The following AKAP10 variants were observed in gnomAD, a reference collection of about 807,000 sequenced individuals.
The protein encoded by AKAP10 is A-kinase anchoring protein 10.
A neutral mutation model predicts 80.8 loss-of-function variants in AKAP10; 24 were observed. The observed-to-expected ratio is 0.30, with a 90% CI of 0.22 to 0.42. The LOEUF (loss-of-function observed/expected upper bound fraction) is 0.42, where lower values mean the gene tolerates loss of function less well. AKAP10 is among the 10% of genes least tolerant of loss of function. The pLI is 1.00. For missense variants in AKAP10, 661 were observed against 794.9 expected, an observed-to-expected ratio of 0.83 and a Z score of 2.03; for synonymous variants, 291 against 277.7, an observed-to-expected ratio of 1.05 and a Z score of -0.48.
At chr17:19,955,233 T>G (rs964634363) in intron 4 of AKAP10, among the ~76,000 whole-genome samples, 1 of 147,112 alleles carries the variant, frequency 6.8e-6, no homozygotes, top group African/African-American at 2.5e-5. Flanking sequence ...AAAAAAAAAA[T>G]AAGAAAAAAA....
intron 4 of AKAP10, among the ~76,000 whole-genome samples, chr17:19,948,157 G>A (rs1190609380): frequency 1.3e-5 from 2 of 152,156 alleles, no homozygotes; most frequent in Non-Finnish European, 2.9e-5. Flanking sequence ...GATGAAATAA[G>A]CACACTCTTC....
chr17:19,913,716 T>A (rs2042715901), intron 12 of AKAP10, among the ~76,000 whole-genome samples: 1 of 152,214 alleles, frequency 6.6e-6, no homozygotes, highest in Non-Finnish European at 1.5e-5. Context: ...TCTGTGAGTA[T>A]CCTCGGAAGT....
At chr17:19,913,517 T>A (rs1363545508) in intron 12 of AKAP10, among the ~76,000 whole-genome samples, 3 of 152,074 alleles carry the variant, frequency 2.0e-5, no homozygotes, top group Admixed American at 6.6e-5. Flanking sequence ...TTAACTCTTG[T>A]CCTCAGTGAT....
intron 10 of AKAP10, among the ~76,000 whole-genome samples, chr17:19,927,784 C>T (rs920895350): frequency 3.3e-5 from 5 of 151,818 alleles, no homozygotes; most frequent in African/African-American, 1.2e-4. Flanking sequence ...GTGGTAGGCA[C>T]CTGTAATCCC....
chr17:19,974,182 A>C (rs2043535572), intron 1 of AKAP10, among the ~76,000 whole-genome samples: 1 of 152,042 alleles, frequency 6.6e-6, no homozygotes, highest in Non-Finnish European at 1.5e-5. Flanking sequence ...TAAGAGCGAA[A>C]CTCCATCTCA....
At chr17:19,906,634 G>C (rs1300285315) in intron 14 of AKAP10, among the ~76,000 whole-genome samples, 1 of 152,216 alleles carries the variant, frequency 6.6e-6, no homozygotes, top group Non-Finnish European at 1.5e-5. Flanking sequence ...TGTAGTCACA[G>C]CACTGCGGAC....
Position 19,905,969 on chromosome 17 carries a change from A to C in AKAP10, c.*258T>G. ...AATGGGTTATTGCCATTGGAAAACT[A>C]ATAATTTTCTAGTAATGTAAACAAT... On this transcript the variant is annotated 3_prime_UTR_variant, in exon 15 of 15. Coordinates refer to ENST00000225737, the MANE Select transcript of AKAP10 (RefSeq NM_007202.4). The C allele has an allele frequency of 2.1e-6, 1 of 482,574 alleles. No individual in the cohort carries two copies. The highest frequency in any genetic ancestry group is 3.8e-6 in the Non-Finnish European group (1 of 266,480). The allele number at this position is 482,574 out of a possible 1,614,324, so 29.9% of individuals were successfully genotyped here. A position where few individuals can be genotyped will look rare whatever the true frequency, so the allele number is the denominator to read the frequency against.
chr17:19,922,137 G>A (rs1464371110), intron 11 of AKAP10, among the ~76,000 whole-genome samples: 5 of 152,122 alleles, frequency 3.3e-5, no homozygotes, highest in East Asian at 1.9e-4. Flanking sequence ...TGCCAGGTGC[G>A]GTGGCTCATG....
intron 1 of AKAP10, 87 bp downstream of exon 1, chr17:19,977,505 G>T: frequency 9.3e-7 from 1 of 1,070,868 alleles, no homozygotes; most frequent in Non-Finnish European, 1.2e-6. Context: ...CCTTGCTGCC[G>T]CCTTGGGGAA....
At chr17:19,940,534 A>T (rs2043040896) in intron 7 of AKAP10, among the ~76,000 whole-genome samples, 1 of 152,198 alleles carries the variant, frequency 6.6e-6, no homozygotes, top group South Asian at 2.1e-4. Context: ...GCATAAGAAA[A>T]AATTTACTAC....
intron 5 of AKAP10, 189 bp downstream of exon 5, chr17:19,947,218 G>A (rs1013159745): frequency 7.1e-6 from 4 of 560,766 alleles, no homozygotes; most frequent in Non-Finnish European, 1.3e-5. Context: ...AAAGACCCTC[G>A]CACCGAATGC....
intron 1 of AKAP10, among the ~76,000 whole-genome samples, chr17:19,969,114 C>T (rs906052237): frequency 3.3e-5 from 5 of 152,092 alleles, no homozygotes; most frequent in Non-Finnish European, 7.4e-5. Flanking sequence ...GATGCCAAGG[C>T]GGGTGGATCA....
In AKAP10 at chr17:19,977,753, G is replaced by A; in HGVS notation, c.-74C>T. On this transcript the variant is annotated 5_prime_UTR_variant, in exon 1 of 15. Coordinates refer to ENST00000225737, the MANE Select transcript of AKAP10 (RefSeq NM_007202.4). ...GCGAAAAGGGACCCTTCTTCCGGGA[G>A]TGGGCCCCACCGCCTCCTCGGGATG... 1.0e-6 allele frequency: 1 copy of A among 974,774 alleles called. No homozygotes were observed. The allele number at this position is 974,774 out of a possible 1,614,324, so 60.4% of individuals were successfully genotyped here.
At chr17:19,920,810 C>A (rs1231247843) in intron 11 of AKAP10, among the ~76,000 whole-genome samples, 1 of 114,160 alleles carries the variant, frequency 8.8e-6, no homozygotes, top group Non-Finnish European at 1.6e-5. Flanking sequence ...GAGCCGAGAT[C>A]ATACCATTGC....
chr17:19,950,486 T>C (rs1358664042), intron 4 of AKAP10, among the ~76,000 whole-genome samples: 1 of 152,164 alleles, frequency 6.6e-6, no homozygotes, highest in African/African-American at 2.4e-5. Flanking sequence ...GTTTTTGCAT[T>C]TTTTGGTGGA....
chr17:19,967,650 A>G (rs544665235), intron 2 of AKAP10, among the ~76,000 whole-genome samples: 1 of 152,306 alleles, frequency 6.6e-6, no homozygotes, highest in South Asian at 2.1e-4. Flanking sequence ...TGGGAGGCCA[A>G]GGCGAGTGGA....
intron 10 of AKAP10, among the ~76,000 whole-genome samples, chr17:19,924,928 C>T (rs2152411832): frequency 1.3e-5 from 2 of 152,220 alleles, no homozygotes; most frequent in South Asian, 4.1e-4. Flanking sequence ...CTTTGGGAGG[C>T]TGAGGCAGGC....
At chr17:19,956,469 TAAATA>T (rs1442931985) in intron 4 of AKAP10, among the ~76,000 whole-genome samples, 1 of 151,890 alleles carries the variant, frequency 6.6e-6, no homozygotes, top group Admixed American at 6.6e-5. Flanking sequence ...TAAAACTAAA[TAAATA>T]AAAGATGGGA....
intron 14 of AKAP10, among the ~76,000 whole-genome samples, chr17:19,907,400 TTTTC>T (rs777437713): frequency 1.3e-5 from 2 of 151,660 alleles, no homozygotes; most frequent in East Asian, 1.9e-4. Context: ...TATACTCTTG[TTTTC>T]TTTAACTTTT....
Sources: gnomAD v4.1 joint callset for allele counts (sites outside exome capture counted in the v4.1 genomes callset) on GRCh38, gnomAD v4.1.1 for gene constraint, MANE v1.5 for transcripts, NCBI Gene and HGNC (gene_info 2026-07-23, HGNC 2026-07-21) for gene names.